MRPS11: variants seen among roughly 807,000 people sequenced by gnomAD.
The protein encoded by MRPS11 is mitochondrial ribosomal protein S11.
Under a neutral mutation model 24.3 loss-of-function variants are expected in MRPS11, and 27 were observed. That is an observed-to-expected ratio of 1.11 (90% CI 0.82 to 1.53). The LOEUF (loss-of-function observed/expected upper bound fraction) is 1.53, where lower values mean the gene tolerates loss of function less well. Among genes scored for constraint, MRPS11 ranks in the 40% most tolerant of loss-of-function variants. The probability of loss-of-function intolerance (pLI) is 0.00; values close to 1 mark genes in which losing one functional copy is unlikely to be tolerated. For missense variants in MRPS11, 277 were observed against 256.5 expected, an observed-to-expected ratio of 1.08 and a Z score of -0.55; for synonymous variants, 104 against 98.7, an observed-to-expected ratio of 1.05 and a Z score of -0.32.
intron 2 of MRPS11, among the ~76,000 whole-genome samples, chr15:88,470,404 T>G (rs1238318141): frequency 6.6e-6 from 1 of 152,118 alleles, no homozygotes; most frequent in East Asian, 1.9e-4. Flanking sequence ...GAGATGATAT[T>G]TAAAACCATG....
intron 3 of MRPS11, among the ~76,000 whole-genome samples, chr15:88,473,789 C>G (rs1445020507): frequency 1.3e-5 from 2 of 152,170 alleles, no homozygotes; most frequent in African/African-American, 4.8e-5. Flanking sequence ...CAGAGCTCTC[C>G]AGACCAGAAA....
chr15:88,470,593 T>G (rs1291712829), intron 2 of MRPS11, among the ~76,000 whole-genome samples: 2 of 152,178 alleles, frequency 1.3e-5, no homozygotes, highest in South Asian at 2.1e-4. Context: ...TTAATTTGGC[T>G]CAAGGTGGGG....
intron 2 of MRPS11, among the ~76,000 whole-genome samples, chr15:88,470,457 G>A (rs192285149): frequency 2.0e-5 from 3 of 152,300 alleles, no homozygotes; most frequent in Admixed American, 2.0e-4. Context: ...ATGAAGAGAA[G>A]AGGTCCAAGG....
chr15:88,473,442 C>A (rs1172329828), intron 3 of MRPS11, among the ~76,000 whole-genome samples: 1 of 152,198 alleles, frequency 6.6e-6, no homozygotes, highest in Non-Finnish European at 1.5e-5. Context: ...CAGTCATGGG[C>A]TAAAGTGTGT....
chr15:88,469,220 CCAA>C lies in MRPS11; in HGVS notation c.182+1200_182+1202del, dbSNP rs1015675965. 1 of 152,088 alleles carries C rather than the reference CCAA, an allele frequency of 6.6e-6. No homozygotes were observed. Among genetic ancestry groups the C allele is most frequent in the African/African-American group, 2.4e-5 (1 of 41,388 alleles). The allele number at this position is 152,088 out of a possible 1,614,324, so 9.4% of individuals were successfully genotyped here. On this transcript the variant is annotated intron_variant, in intron 2 of 5. Coordinates refer to ENST00000325844, the MANE Select transcript of MRPS11 (RefSeq NM_022839.5). This position sits in a 1 kb window ranked among gnomAD's most constrained non-coding sequence, Gnocchi z 4.4. ...GGTGTGTATGTGATGGCAGATGAGG[CCAA>C]CAAGACAAGAAGGCATCAGAATGCC...
At chr15:88,476,841 C>T (rs2055832449) in intron 4 of MRPS11, 148 bp from the exon 5 acceptor site, 1 of 703,986 alleles carries the variant, frequency 1.4e-6, no homozygotes, top group African/African-American at 1.8e-5. Flanking sequence ...CTGTCCTCCA[C>T]TATAGCCATC....
chr15:88,468,058 C>T (rs2055590633), intron 2 of MRPS11, 34 bp downstream of exon 2: 1 of 1,575,466 alleles, frequency 6.3e-7, no homozygotes, highest in Non-Finnish European at 8.6e-7. Context: ...TCTGGAGACC[C>T]GCAACCCCTG....
In MRPS11 at chr15:88,477,211, C is replaced by G. The variant is rs2055840152; in HGVS notation, c.477+157C>G. ...GTTGTTTCTATAATTGACCAAGCCC[C>G]TCAGAGCAAGCCTAGATCACTTAGT... On this transcript the variant is annotated intron_variant, in intron 5 of 5. Coordinates refer to ENST00000325844, the MANE Select transcript of MRPS11 (RefSeq NM_022839.5). The surrounding 1 kb of genome is among the most constrained non-coding windows in gnomAD (Gnocchi z 5.7). Among the ~76,000 whole-genome samples, 1 of 152,208 alleles carries G rather than the reference C, an allele frequency of 6.6e-6. No individual in the cohort carries two copies. Among genetic ancestry groups the G allele is most frequent in the African/African-American group, 2.4e-5 (1 of 41,450 alleles).
Position 88,469,033 on chromosome 15 carries a change from A to AT in MRPS11, c.182+1010dup, listed in dbSNP as rs1042795875. 1.3e-5 allele frequency: 2 copies of AT among 152,122 alleles called. No homozygotes were observed. Among genetic ancestry groups the AT allele is most frequent in the East Asian group, 1.9e-4 (1 of 5,192 alleles). The allele number at this position is 152,122 out of a possible 1,614,324, so 9.4% of individuals were successfully genotyped here. On this transcript the variant is annotated intron_variant, in intron 2 of 5. Transcript: ENST00000325844. The surrounding 1 kb of genome is among the most constrained non-coding windows in gnomAD (Gnocchi z 4.4). ...TCAAAGAAAAAAAAAAAAAAAAAGA[A>AT]TAAGTGTCTCATTCCTGAGGAAATC...
rs2055851222 is a variant in MRPS11, at chr15:88,477,733, T to C, written c.478-139T>C. The stretch of plus-strand genomic sequence containing the variant: ...TGAGAGTAGAATAGGATTGGGATTA[T>C]AGGTATCAAAGCCAGTGAGCATCTC... On this transcript the variant is annotated intron_variant, in intron 5 of 5. Transcript: ENST00000325844. The surrounding 1 kb of genome is among the most constrained non-coding windows in gnomAD (Gnocchi z 5.7). The C allele has an allele frequency of 1.4e-6, 1 of 735,528 alleles. No homozygotes were observed. The highest frequency in any genetic ancestry group is 1.7e-5 in the African/African-American group (1 of 57,618). The allele number at this position is 735,528 out of a possible 1,614,324, so 45.6% of individuals were successfully genotyped here.
At chr15:88,470,389 T>C (rs2055668868) in intron 2 of MRPS11, among the ~76,000 whole-genome samples, 1 of 152,152 alleles carries the variant, frequency 6.6e-6, no homozygotes, top group Non-Finnish European at 1.5e-5. Flanking sequence ...TTGGGAGACA[T>C]CATAGAGATG....
At chr15:88,468,083 C>G (rs1041358978) in intron 2 of MRPS11, 59 bp downstream of exon 2, 3 of 1,544,556 alleles carry the variant, frequency 1.9e-6, no homozygotes, top group African/African-American at 2.7e-5. Context: ...TTGCCCGACA[C>G]CCTCCAGAGT....
chr15:88,467,780 CG>C lies in MRPS11; in HGVS notation c.65+1del, dbSNP rs1567041983. 1.2e-6 allele frequency: 2 copies of C among 1,613,980 alleles called. No homozygotes were observed. Among genetic ancestry groups the C allele is most frequent in the Admixed American group, 1.7e-5 (1 of 60,008 alleles). On this transcript the variant is annotated frameshift_variant and splice_region_variant, in exon 1 of 6. Coordinates refer to ENST00000325844, the MANE Select transcript of MRPS11 (RefSeq NM_022839.5). LOFTEE classifies it high-confidence loss of function. ...LRSWTWPQTA[G>X]RVVARTPAGT... is the part of the protein sequence containing the mutation. ...GGTCCTGGACTTGGCCCCAGACAGC[CG>C]GGTAACAAATGACTGCCCCCTCGAG...
At chr15:88,468,411 CG>C in intron 2 of MRPS11, 1 of 1,088,346 alleles carries the variant, frequency 9.2e-7, no homozygotes, top group Non-Finnish European at 1.1e-6. Context: ...GCACGTCTTA[CG>C]GATGGTCCAG....
chr15:88,478,047 C>T lies in MRPS11; in HGVS notation c.*68C>T, dbSNP rs2055860532. On this transcript the variant is annotated 3_prime_UTR_variant, in exon 6 of 6. Coordinates refer to ENST00000325844, the MANE Select transcript of MRPS11 (RefSeq NM_022839.5). The surrounding 1 kb of genome is among the most constrained non-coding windows in gnomAD (Gnocchi z 4.7). ...TCCAGTGGGACCTTGTAAAATGCTCCCTGTCAGAGCTCTCCAGAATATGCT... is the reference window on the plus strand; with the variant it reads ...TCCAGTGGGACCTTGTAAAATGCTCTCTGTCAGAGCTCTCCAGAATATGCT... 8.1e-7 allele frequency: 1 copy of T among 1,235,158 alleles called. No individual in the cohort carries two copies. The highest frequency in any genetic ancestry group is 1.7e-5 in the Admixed American group (1 of 58,082). 76.5% of individuals were successfully genotyped at this position (1,235,158 alleles called of 1,614,324 possible).
chr15:88,467,837 C>G, intron 1 of MRPS11, 55 bp downstream of exon 1: 1 of 1,613,174 alleles, frequency 6.2e-7, no homozygotes, highest in Non-Finnish European at 8.5e-7. Flanking sequence ...TATGCTCCTA[C>G]TCGTGTCCCT....
intron 2 of MRPS11, chr15:88,468,450 C>A: frequency 9.8e-7 from 1 of 1,022,016 alleles, no homozygotes; most frequent in Non-Finnish European, 1.2e-6. Flanking sequence ...GCCCTAGGAA[C>A]TGGCATCTTG....
chr15:88,476,203 A>G (rs1218286659), intron 4 of MRPS11, among the ~76,000 whole-genome samples: 1 of 152,152 alleles, frequency 6.6e-6, no homozygotes, highest in Non-Finnish European at 1.5e-5. Flanking sequence ...TATTATCCAC[A>G]TTTTCATAAG....
At position 88,477,758 on chromosome 15, in the gene MRPS11, C is replaced by G; in HGVS notation, c.478-114C>G. 2.4e-6 allele frequency: 2 copies of G among 837,520 alleles called. No homozygotes were observed. Among genetic ancestry groups the G allele is most frequent in the Non-Finnish European group, 4.0e-6 (2 of 503,460 alleles). The allele number at this position is 837,520 out of a possible 1,614,324, so 51.9% of individuals were successfully genotyped here. A position where few individuals can be genotyped will look rare whatever the true frequency, so the allele number is the denominator to read the frequency against. On this transcript the variant is annotated intron_variant, in intron 5 of 5. Coordinates refer to ENST00000325844, the MANE Select transcript of MRPS11 (RefSeq NM_022839.5). The surrounding 1 kb of genome is among the most constrained non-coding windows in gnomAD (Gnocchi z 5.7). ...TAGGTATCAAAGCCAGTGAGCATCTCACCCCTCCGTTCCCTTCTCTACGCC... is the reference window on the plus strand; with the variant it reads ...TAGGTATCAAAGCCAGTGAGCATCTGACCCCTCCGTTCCCTTCTCTACGCC...
Sources: allele counts gnomAD v4.1 joint callset (sites outside exome capture counted in the v4.1 genomes callset), GRCh38; gene constraint gnomAD v4.1.1; non-coding constraint Gnocchi (gnomAD v3.1); transcripts MANE v1.5; gene names NCBI Gene and HGNC (gene_info 2026-07-23, HGNC 2026-07-21).